The following TMEM273 variants were observed in gnomAD, a reference collection of about 807,000 sequenced individuals.
TMEM273 encodes the protein transmembrane protein 273, also known as chromosome 10 open reading frame 128.
In TMEM273, 19 loss-of-function variants were observed where a neutral mutation model predicts 17.9. The observed-to-expected ratio is 1.06, with a 90% CI of 0.74 to 1.55. The LOEUF (loss-of-function observed/expected upper bound fraction) is 1.55. TMEM273 is among the 40% of genes most tolerant of loss of function. TMEM273 has a pLI of 0.00. For missense variants in TMEM273, 194 were observed against 155.6 expected (o/e 1.25, Z -1.31); for synonymous variants, 66 against 62.0 (o/e 1.07, Z -0.31).
At chr10:49,161,900 G>A (rs1590187194) in intron 5 of TMEM273, among the ~76,000 whole-genome samples, 1 of 152,048 alleles carries the variant, frequency 6.6e-6, no homozygotes, top group Non-Finnish European at 1.5e-5. Flanking sequence ...ATTATCAGGG[G>A]TATAAACTCC....
rs1358861528 is a variant in TMEM273 at position 49,188,306 on chromosome 10, G to T, written c.31C>A (p.Leu11Ile). ...AGTCCCCACTTACCCAGGAGGAAGAGGATCCTCAGCATGCTGACCCCCAAG... is the reference window on the plus strand; with the variant it reads ...AGTCCCCACTTACCCAGGAGGAAGATGATCCTCAGCATGCTGACCCCCAAG... MNLGVSMLRI[L>I]FLLDVGGAQV... Residue 11 changes from leucine to isoleucine, a missense_variant, in exon 1 of 7, where the codon CTC becomes ATC. Physicochemically the swap from Leu to Ile is conservative, Grantham distance 5. Coordinates refer to ENST00000374153, the MANE Select transcript of TMEM273 (RefSeq NM_001288740.3). 1 of 1,614,194 alleles carries T rather than the reference G, an allele frequency of 6.2e-7. No homozygotes were observed. Among genetic ancestry groups the T allele is most frequent in the East Asian group, 2.2e-5 (1 of 44,874 alleles).
chr10:49,156,521 C>A (rs957838630), intron 6 of TMEM273, among the ~76,000 whole-genome samples: 2 of 152,232 alleles, frequency 1.3e-5, no homozygotes, highest in African/African-American at 4.8e-5. Flanking sequence ...TACCTCCATG[C>A]CTTGAGACCA....
At chr10:49,182,566 C>CT (rs1203136695) in intron 1 of TMEM273, among the ~76,000 whole-genome samples, 2 of 152,128 alleles carry the variant, frequency 1.3e-5, no homozygotes, top group African/African-American at 4.8e-5. Flanking sequence ...AGAATTAAAA[C>CT]TGAGATAGAT....
At chr10:49,165,697 A>G (rs1846131937) in intron 4 of TMEM273, 69 bp downstream of exon 4, 23 of 1,595,398 alleles carry the variant, frequency 1.4e-5, no homozygotes, top group South Asian at 1.4e-4. Context: ...ATGACAGGCA[A>G]GGGAGTGGCA....
chr10:49,177,762 G>C (rs1215533572), intron 1 of TMEM273, among the ~76,000 whole-genome samples: 1 of 152,210 alleles, frequency 6.6e-6, no homozygotes, highest in Non-Finnish European at 1.5e-5. Flanking sequence ...GTTAGCTCAG[G>C]GAGCTCTGGC....
chr10:49,161,755 C>G (rs1201352501), intron 5 of TMEM273, 133 bp from the exon 6 acceptor site: 3 of 1,052,656 alleles, frequency 2.8e-6, no homozygotes, highest in Admixed American at 1.9e-5. Flanking sequence ...CATGACTCAG[C>G]CTGACTCCAT....
chr10:49,163,289 A>G (rs11813206), intron 5 of TMEM273, among the ~76,000 whole-genome samples: 4 of 150,472 alleles, frequency 2.7e-5, no homozygotes, highest in Non-Finnish European at 5.9e-5. Flanking sequence ...GAATATGTGC[A>G]TGTGTGTGTG....
chr10:49,169,949 G>A (rs966793589), intron 1 of TMEM273, among the ~76,000 whole-genome samples: 1 of 152,232 alleles, frequency 6.6e-6, no homozygotes, highest in Admixed American at 6.5e-5. Context: ...GGAGGGCAGG[G>A]CCTCAGTGGG....
chr10:49,162,796 C>T (rs189310996), intron 5 of TMEM273, among the ~76,000 whole-genome samples: 7 of 152,320 alleles, frequency 4.6e-5, no homozygotes, highest in Admixed American at 2.0e-4. Context: ...GCACTCCTCA[C>T]CACAGATGCT....
Position 49,187,308 on chromosome 10 carries a change from A to AAGGCCAAAGTC in TMEM273, c.43+975_43+985dup, listed in dbSNP as rs1247465173. Among the ~76,000 whole-genome samples the AAGGCCAAAGTC allele has an allele frequency of 4.6e-5, 7 of 152,262 alleles. No individual in the cohort carries two copies. The East Asian group carries it at 9.6e-4, about 21-fold the overall frequency. On this transcript the variant is annotated intron_variant, in intron 1 of 6. Coordinates refer to ENST00000374153, the MANE Select transcript of TMEM273 (RefSeq NM_001288740.3). ...CTGTCTGTCTGACATGCTGACTCCC[A>AAGGCCAAAGTC]AGGCCAAAGTCTTTGCTCTCCCCTG...
intron 1 of TMEM273, among the ~76,000 whole-genome samples, chr10:49,184,300 G>T (rs1017676824): frequency 5.9e-5 from 9 of 152,088 alleles, no homozygotes; most frequent in Admixed American, 6.5e-5. Flanking sequence ...AAAAGGAAAA[G>T]ACCAATAAAT....
chr10:49,164,297 C>A (rs1369236347), intron 5 of TMEM273, among the ~76,000 whole-genome samples: 2 of 152,194 alleles, frequency 1.3e-5, no homozygotes, highest in Admixed American at 1.3e-4. Flanking sequence ...CTCAGTCCCT[C>A]ATCCCAGGTC....
chr10:49,173,620 C>A (rs1329589373), intron 1 of TMEM273, among the ~76,000 whole-genome samples: 1 of 152,220 alleles, frequency 6.6e-6, no homozygotes, highest in South Asian at 2.1e-4. Context: ...CCCCAGTCTG[C>A]AGCTTGCTCT....
At chr10:49,174,974 G>C (rs984109823) in intron 1 of TMEM273, among the ~76,000 whole-genome samples, 1 of 152,058 alleles carries the variant, frequency 6.6e-6, no homozygotes, top group Admixed American at 6.6e-5. Context: ...ACCTAACCCA[G>C]CCTGGGAGTG....
At chr10:49,164,706 C>G (rs906771680) in intron 5 of TMEM273, among the ~76,000 whole-genome samples, 1 of 152,210 alleles carries the variant, frequency 6.6e-6, no homozygotes, top group African/African-American at 2.4e-5. Context: ...AGGGTTCCCT[C>G]TGCATTCATG....
chr10:49,157,626 CA>C (rs1375792813), intron 6 of TMEM273, among the ~76,000 whole-genome samples: 1 of 152,174 alleles, frequency 6.6e-6, no homozygotes, highest in African/African-American at 2.4e-5. Flanking sequence ...AAATCTTTGG[CA>C]AAATCCAACA....
At chr10:49,176,093 C>T (rs1205406175) in intron 1 of TMEM273, among the ~76,000 whole-genome samples, 2 of 152,244 alleles carry the variant, frequency 1.3e-5, no homozygotes, top group East Asian at 3.9e-4. Flanking sequence ...CAACATGGCT[C>T]CCAGCTCAGT....
Position 49,188,369 on chromosome 10 carries a change from G to A in TMEM273, c.-33C>T, listed in dbSNP as rs1847856361. ...CTCTGCTCTTGGCTCCTGGCTCCTG[G>A]CTGCTGGCAGCGCAGGCACAATGAG... is the stretch of plus-strand genomic sequence containing the variant. On this transcript the variant is annotated 5_prime_UTR_variant, in exon 1 of 7. Transcript: ENST00000374153. 3 of 1,613,894 alleles carry A rather than the reference G, an allele frequency of 1.9e-6. No homozygotes were observed. In the East Asian group the frequency reaches 6.7e-5, roughly 36 times the overall value.
chr10:49,161,303 G>C, intron 6 of TMEM273: 1 of 479,264 alleles, frequency 2.1e-6, no homozygotes, highest in Non-Finnish European at 3.7e-6. Context: ...ACTATCATAG[G>C]ATAGGTCTTG....
Sources: allele counts gnomAD v4.1 joint callset (sites outside exome capture counted in the v4.1 genomes callset), GRCh38; gene constraint gnomAD v4.1.1; transcripts MANE v1.5; gene names NCBI Gene and HGNC (gene_info 2026-07-23, HGNC 2026-07-21).